The following DCST2 variants were observed in gnomAD, a reference collection of about 807,000 sequenced individuals.
The protein encoded by DCST2 is DC-STAMP domain containing 2.
A neutral mutation model predicts 81.8 loss-of-function variants in DCST2; 64 were observed. The ratio of observed to expected loss-of-function variants is 0.78; its 90% CI spans 0.64 to 0.96. The LOEUF (loss-of-function observed/expected upper bound fraction) is 0.96, where lower values mean the gene tolerates loss of function less well. DCST2 is among the 40% of genes least tolerant of loss of function. DCST2 has a pLI of 0.00. For synonymous variants in DCST2, 354 were observed against 402.6 expected (o/e 0.88, Z 1.44); for missense variants, 945 against 1,001.4 (o/e 0.94, Z 0.76).
rs1227786330 is a variant in DCST2, at chr1:155,033,607, A to C, written c.95T>G (p.Leu32Arg). 1 of 1,614,186 alleles carries C rather than the reference A, an allele frequency of 6.2e-7. No homozygotes were observed. Residue 32 changes from leucine (L) to arginine (R), a missense_variant, in exon 1 of 15, where the codon CTG becomes CGG. By Grantham distance (102) the Leu-to-Arg change is moderately radical. Transcript: ENST00000368424. ...GTAGGCCGTGGCTAAAGACAAGCCC[A>C]GGGTAAAACCTCCCACGCTGCGAAC... Reference protein sequence around the residue: ...AVVRSVGGFTLGLSLATAYGL... With the variant: ...AVVRSVGGFTRGLSLATAYGL...
chr1:155,029,948 T>C (rs1660018977), intron 7 of DCST2, 136 bp downstream of exon 7: 1 of 1,328,902 alleles, frequency 7.5e-7, no homozygotes. Flanking sequence ...AGCTCTGGGT[T>C]GTGTCTCCTC....
intron 11 of DCST2, 128 bp downstream of exon 11, chr1:155,024,344 G>A: frequency 7.7e-7 from 1 of 1,291,874 alleles, no homozygotes; most frequent in Non-Finnish European, 1.0e-6. Flanking sequence ...ACAGCGTTAA[G>A]GGTATGCAAT....
Position 155,023,926 on chromosome 1 carries a change from A to G in DCST2, c.1776T>C (p.Phe592=). Residue 592 remains phenylalanine, a synonymous_variant, in exon 12 of 15, where the codon TTT becomes TTC. Transcript: ENST00000368424. Reference sequence around the variant, plus strand: ...CCAGGCAGTAGGCCTGATGCAGCCAAAAGTGGCTGACAAATGGACCTAGGC... The same window carrying G: ...CCAGGCAGTAGGCCTGATGCAGCCAGAAGTGGCTGACAAATGGACCTAGGC... ...CPCLGPFVSH[F]WLHQAYCLGC... 1 of 1,613,570 alleles carries G rather than the reference A, an allele frequency of 6.2e-7. No individual in the cohort carries two copies. Among genetic ancestry groups the G allele is most frequent in the Non-Finnish European group, 8.5e-7 (1 of 1,179,900 alleles).
At chr1:155,022,502 G>T (rs76798800) in intron 14 of DCST2, among the ~76,000 whole-genome samples, 32,777 of 152,110 alleles carry the variant, frequency 0.22, 3,734 homozygotes, top group Non-Finnish European at 0.26. Context: ...AGGCCAAGGC[G>T]AGAGGATGGT....
chr1:155,024,359 A>C, intron 11 of DCST2, 113 bp downstream of exon 11: 1 of 1,414,720 alleles, frequency 7.1e-7, no homozygotes, highest in East Asian at 2.5e-5. Context: ...TGCAATGGGC[A>C]TTCTCTTCAA....
chr1:155,026,467 C>T, intron 9 of DCST2, 65 bp from the exon 10 acceptor site: 1 of 1,612,334 alleles, frequency 6.2e-7, no homozygotes, highest in Non-Finnish European at 8.5e-7. Context: ...CCCCTGGCGC[C>T]CCCCACATCC....
chr1:155,020,858 T>TCC, intron 14 of DCST2, among the ~76,000 whole-genome samples: 1 of 152,014 alleles, frequency 6.6e-6, no homozygotes, highest in Non-Finnish European at 1.5e-5. Context: ...GGTCTTGTAC[T>TCC]ATTGCCCAGG....
chr1:155,026,506 A>C, intron 9 of DCST2, 42 bp downstream of exon 9: 2 of 1,612,622 alleles, frequency 1.2e-6, no homozygotes, highest in Non-Finnish European at 1.7e-6. Context: ...CATTTCCCAC[A>C]TGGTGTCCAC....
chr1:155,022,614 G>C (rs1256495688), intron 14 of DCST2, among the ~76,000 whole-genome samples: 1 of 152,046 alleles, frequency 6.6e-6, no homozygotes, highest in Non-Finnish European at 1.5e-5. Context: ...CAGGTGTGAT[G>C]GTGTTCCTGA....
rs1248823636 is a variant in DCST2 at position 155,032,967 on chromosome 1, T to C, written c.439+127A>G. ...AGAGAGGGTTTAGCTGTGCCCAGAG[T>C]CCCTTCCAGGCCCAGATGCTCCGCG... is the stretch of plus-strand genomic sequence containing the variant. On this transcript the variant is annotated intron_variant, in intron 2 of 14. Coordinates refer to ENST00000368424, the MANE Select transcript of DCST2 (RefSeq NM_144622.3). 4 of 1,143,342 alleles carry C rather than the reference T, an allele frequency of 3.5e-6. No homozygotes were observed. In the Admixed American group the frequency reaches 1.1e-4, roughly 31 times the overall value. 70.8% of individuals were successfully genotyped at this position (1,143,342 alleles called of 1,614,324 possible). A position where few individuals can be genotyped will look rare whatever the true frequency, so the allele number is the denominator to read the frequency against.
chr1:155,018,658 G>A lies in DCST2; in HGVS notation c.2208C>T (p.His736=). ...TGGCGGAGGATGTCTCAGGTGGTCT[G>A]TGGGGCTCAGGGCTGGTGAGAATGC... ...PVSILTSPEP[H]RPPETSSATK... is the part of the protein sequence containing the mutation. The change falls in exon 15 of 15, where the codon CAC becomes CAT. Residue 736 remains histidine (H), a synonymous_variant. Coordinates refer to ENST00000368424, the MANE Select transcript of DCST2 (RefSeq NM_144622.3). 1.2e-6 allele frequency: 2 copies of A among 1,613,982 alleles called. No homozygotes were observed. The highest frequency in any genetic ancestry group is 1.1e-5 in the South Asian group (1 of 91,076).
chr1:155,024,714 T>C, intron 10 of DCST2, 112 bp from the exon 11 acceptor site: 1 of 1,251,918 alleles, frequency 8.0e-7, no homozygotes, highest in Non-Finnish European at 1.0e-6. Flanking sequence ...TATGAATCCC[T>C]CTAGGTTTGG....
chr1:155,028,117 G>T (rs975648132), intron 8 of DCST2, among the ~76,000 whole-genome samples: 1 of 151,528 alleles, frequency 6.6e-6, no homozygotes, highest in African/African-American at 2.4e-5. Context: ...GTTGAGATGG[G>T]GTTTCATTAT....
In DCST2 at chr1:155,024,483, C is replaced by CACTA; in HGVS notation, c.1727_1730dup (p.Leu578SerfsTer32). The CACTA allele has an allele frequency of 1.2e-6, 2 of 1,606,286 alleles. No individual in the cohort carries two copies. The highest frequency in any genetic ancestry group is 1.7e-6 in the Non-Finnish European group (2 of 1,176,020). On this transcript the variant is annotated frameshift_variant, in exon 11 of 15. Transcript: ENST00000368424. LOFTEE classifies it high-confidence loss of function. The stretch of plus-strand genomic sequence containing the variant: ...GACAGTGGCCTCACCGACTGGCCAG[C>CACTA]ACTAGGAAGGCACTTCTGTGGCCCT...
At chr1:155,028,481 G>A (rs771519231) in intron 8 of DCST2, among the ~76,000 whole-genome samples, 22 of 152,028 alleles carry the variant, frequency 1.4e-4, no homozygotes, top group Non-Finnish European at 2.9e-4. Flanking sequence ...CTACTTGGGA[G>A]GCTGAGACAG....
Position 155,030,658 on chromosome 1 carries a change from G to A in DCST2, c.806-13C>T. ...AACTGAATCACGGCTGGGGCCAGCA[G>A]GTTCAGGGGAGACGTGGGCAAGGAG... On this transcript the variant is annotated splice_polypyrimidine_tract_variant and intron_variant, in intron 5 of 14. Coordinates refer to ENST00000368424, the MANE Select transcript of DCST2 (RefSeq NM_144622.3). 1 of 1,613,802 alleles carries A rather than the reference G, an allele frequency of 6.2e-7. No individual in the cohort carries two copies. Among genetic ancestry groups the A allele is most frequent in the Non-Finnish European group, 8.5e-7 (1 of 1,179,876 alleles).
chr1:155,021,231 C>A (rs188475079), intron 14 of DCST2, among the ~76,000 whole-genome samples: 1 of 151,694 alleles, frequency 6.6e-6, no homozygotes, highest in Non-Finnish European at 1.5e-5. Flanking sequence ...GAACTCCTGA[C>A]CTTAAGTGGT....
In DCST2 at chr1:155,023,969, G is replaced by A. The variant is rs1659826546; in HGVS notation, c.1743-10C>T. ...ACCTAGGCAGGGGCACCTGAGAAAAGGGTCACAGACACTAAGCAGGCCAGC... is the reference window on the plus strand; with the variant it reads ...ACCTAGGCAGGGGCACCTGAGAAAAAGGTCACAGACACTAAGCAGGCCAGC... On this transcript the variant is annotated splice_polypyrimidine_tract_variant and intron_variant, in intron 11 of 14. Coordinates refer to ENST00000368424, the MANE Select transcript of DCST2 (RefSeq NM_144622.3). 2 of 1,611,366 alleles carry A rather than the reference G, an allele frequency of 1.2e-6. No homozygotes were observed. Among genetic ancestry groups the A allele is most frequent in the Non-Finnish European group, 1.7e-6 (2 of 1,179,238 alleles).
chr1:155,033,467 T>C lies in DCST2; in HGVS notation c.235A>G (p.Thr79Ala), dbSNP rs774224073. 95 of 1,613,780 alleles carry C rather than the reference T, an allele frequency of 5.9e-5. No homozygotes were observed. The highest frequency in any genetic ancestry group is 4.9e-4 in the Middle Eastern group (3 of 6,084). Residue 79 changes from threonine (T) to alanine (A), a missense_variant, in exon 1 of 15, where the codon ACT becomes GCT. Transcript: ENST00000368424. ...GCCTGAGGCAGCAGCAGGAGGACAG[T>C]GGCTCGGACCTGGCGAGAGAATCCC... is the stretch of plus-strand genomic sequence containing the variant. The part of the protein sequence containing the change: ...GMGFSRQVRA[T>A]VLLLLPQAFS...
Sources: gnomAD v4.1 joint callset for allele counts (sites outside exome capture counted in the v4.1 genomes callset) on GRCh38, gnomAD v4.1.1 for gene constraint, MANE v1.5 for transcripts, NCBI Gene and HGNC (gene_info 2026-07-23, HGNC 2026-07-21) for gene names.